FIG4: variants seen among roughly 807,000 people sequenced by gnomAD.
FIG4 encodes the protein polyphosphoinositide phosphatase.
FIG4 carries 112 observed loss-of-function variants against 118.6 expected under a neutral mutation model. That is an observed-to-expected ratio of 0.94 (90% CI 0.81 to 1.11). FIG4 has a LOEUF of 1.11. Among genes scored for constraint, FIG4 ranks in the 50% least tolerant of loss-of-function variants. The pLI is 0.00. For synonymous variants in FIG4, 369 were observed against 381.2 expected, an observed-to-expected ratio of 0.97 and a Z score of 0.37; for missense variants, 969 against 1,111.7, an observed-to-expected ratio of 0.87 and a Z score of 1.83.
At chr6:109,809,122 A>C (rs1279340330) in intron 22 of FIG4, among the ~76,000 whole-genome samples, 1 of 152,230 alleles carries the variant, frequency 6.6e-6, no homozygotes, top group Non-Finnish European at 1.5e-5. Context: ...GTATCAAATA[A>C]AAATATTTGA....
chr6:109,815,506 C>T (rs1036502802), intron 22 of FIG4, among the ~76,000 whole-genome samples: 1 of 130,838 alleles, frequency 7.6e-6, no homozygotes, highest in Non-Finnish European at 1.6e-5. Flanking sequence ...CCCCCCCCAC[C>T]CCCCCGTTAA....
chr6:109,715,019 T>G, intron 1 of FIG4, 59 bp from the exon 2 acceptor site: 1 of 925,282 alleles, frequency 1.1e-6, no homozygotes, highest in Non-Finnish European at 1.8e-6. Context: ...TAAAGTGGTA[T>G]AAAATGTGTA....
chr6:109,696,072 A>G (rs533220474), intron 1 of FIG4, among the ~76,000 whole-genome samples: 1 of 152,308 alleles, frequency 6.6e-6, no homozygotes, highest in South Asian at 2.1e-4. Context: ...CCCTTCTTAA[A>G]GTTATTCATT....
chr6:109,791,436 GC>G lies in FIG4; in HGVS notation c.2247del (p.Ser750AlafsTer30). ...QRKTAASAPP[P>X]PSEEAVSSSS... Reference sequence around the variant, plus strand: ...GGAAAACGGCAGCCAGCGCCCCGCCGCCCCCCAGCGAGGAGGCTGTGTCCAG... The same window carrying G: ...GGAAAACGGCAGCCAGCGCCCCGCCGCCCCCAGCGAGGAGGCTGTGTCCAG... On this transcript the variant is annotated frameshift_variant, in exon 20 of 23. Transcript: ENST00000230124. LOFTEE classifies it high-confidence loss of function. The G allele has an allele frequency of 6.2e-7, 1 of 1,613,580 alleles. No homozygotes were observed. The highest frequency in any genetic ancestry group is 8.5e-7 in the Non-Finnish European group (1 of 1,179,960).
intron 7 of FIG4, among the ~76,000 whole-genome samples, chr6:109,740,144 G>A (rs1367654497): frequency 6.6e-6 from 1 of 152,074 alleles, no homozygotes; most frequent in Non-Finnish European, 1.5e-5. Flanking sequence ...TCACCACCAA[G>A]GATACCAAAA....
intron 17 of FIG4, 79 bp downstream of exon 17, chr6:109,785,107 C>A: frequency 1.2e-6 from 1 of 820,464 alleles, no homozygotes; most frequent in South Asian, 1.3e-5. Context: ...GCATTAAATC[C>A]TTTGCACATA....
chr6:109,786,593 G>C (rs1053560389), intron 18 of FIG4, 144 bp downstream of exon 18: 3 of 817,538 alleles, frequency 3.7e-6, no homozygotes, highest in Non-Finnish European at 6.3e-6. Context: ...TCCTGTGATG[G>C]GGAGCCCACT....
At chr6:109,725,980 T>A (rs1775795491) in intron 3 of FIG4, among the ~76,000 whole-genome samples, 1 of 152,200 alleles carries the variant, frequency 6.6e-6, no homozygotes, top group South Asian at 2.1e-4. Context: ...TTTAAGTTCC[T>A]TGTAGATTCT....
At chr6:109,731,805 A>G (rs1042675900) in intron 4 of FIG4, among the ~76,000 whole-genome samples, 1 of 152,186 alleles carries the variant, frequency 6.6e-6, no homozygotes, top group Non-Finnish European at 1.5e-5. Flanking sequence ...TCCCCCACAG[A>G]TACCGAGGGA....
intron 6 of FIG4, among the ~76,000 whole-genome samples, chr6:109,735,545 T>C (rs1317108172): frequency 2.6e-5 from 4 of 152,084 alleles, no homozygotes; most frequent in Non-Finnish European, 4.4e-5. Flanking sequence ...TCACGTACTT[T>C]TTATTGAATA....
At chr6:109,774,618 T>G (rs1777565155) in intron 15 of FIG4, among the ~76,000 whole-genome samples, 2 of 152,130 alleles carry the variant, frequency 1.3e-5, no homozygotes, top group African/African-American at 4.8e-5. Context: ...AGTGCCTATT[T>G]TGAAATGTAT....
At position 109,751,833 on chromosome 6, in the gene FIG4, TTC is replaced by T. The variant is rs1776711856; in HGVS notation, c.1137+8063_1137+8064del. The stretch of plus-strand genomic sequence containing the variant: ...TTTCTTTTTTTTTTAAGTATTTTTT[TTC>T]TTTTTTTTTATTATTATTATACTTT... On this transcript the variant is annotated intron_variant, in intron 10 of 22. Coordinates refer to ENST00000230124, the MANE Select transcript of FIG4 (RefSeq NM_014845.6). Among the ~76,000 whole-genome samples, 4 of 151,670 alleles carry T rather than the reference TTC, an allele frequency of 2.6e-5. No individual in the cohort carries two copies. In the South Asian group the frequency reaches 8.3e-4, roughly 32 times the overall value.
intron 16 of FIG4, among the ~76,000 whole-genome samples, chr6:109,778,058 A>G (rs1301105621): frequency 6.6e-6 from 1 of 152,164 alleles, no homozygotes; most frequent in African/African-American, 2.4e-5. Context: ...TACATACCAT[A>G]CATGAAGTTA....
At chr6:109,741,400 T>C (rs1776318055) in intron 7 of FIG4, 44 bp from the exon 8 acceptor site, 1 of 1,176,358 alleles carries the variant, frequency 8.5e-7, no homozygotes, top group Non-Finnish European at 1.3e-6. Context: ...CTTGGTCTTA[T>C]GTGACAGTCA....
intron 12 of FIG4, 82 bp from the exon 13 acceptor site, chr6:109,763,855 G>T: frequency 2.1e-6 from 2 of 942,598 alleles, no homozygotes; most frequent in Non-Finnish European, 3.4e-6. Context: ...TTAATTCTAT[G>T]ATTCTTAACA....
At chr6:109,755,434 C>T (rs1216511166) in intron 10 of FIG4, among the ~76,000 whole-genome samples, 1 of 152,128 alleles carries the variant, frequency 6.6e-6, no homozygotes, top group Non-Finnish European at 1.5e-5. Context: ...GTGGAGAGTT[C>T]TGTAGATGTC....
chr6:109,716,510 G>C lies in FIG4; in HGVS notation c.231G>C (p.Lys77Asn). 6.2e-7 allele frequency: 1 copy of C among 1,613,944 alleles called. No individual in the cohort carries two copies. The highest frequency in any genetic ancestry group is 2.2e-5 in the East Asian group (1 of 44,866). Residue 77 changes from lysine to asparagine, a missense_variant, in exon 3 of 23, where the codon AAG becomes AAC. This residue lies in a region of FIG4 where 393 missense variants were observed against 409.4 expected (regional missense o/e 0.96). Coordinates refer to ENST00000230124, the MANE Select transcript of FIG4 (RefSeq NM_014845.6). Reference protein sequence around the residue: ...LGRLDLGNRTKMGQKGSSGLF... With the variant: ...LGRLDLGNRTNMGQKGSSGLF... ...GCTTGGATCTTGGAAATAGAACAAA[G>C]ATGGGACAGAAAGGATCCTCGGGCT... is the stretch of plus-strand genomic sequence containing the variant.
intron 10 of FIG4, among the ~76,000 whole-genome samples, chr6:109,755,578 C>T (rs1776863379): frequency 6.6e-6 from 1 of 152,134 alleles, no homozygotes; most frequent in African/African-American, 2.4e-5. Context: ...GTCAAAGTCT[C>T]TTTGTAGGTC....
chr6:109,794,649 C>G (rs139929628), intron 21 of FIG4, among the ~76,000 whole-genome samples: 3 of 152,214 alleles, frequency 2.0e-5, no homozygotes, highest in Admixed American at 6.5e-5. Flanking sequence ...CTTAGTGCCT[C>G]CTCTGATCCA....
Sources: gnomAD v4.1 joint callset for allele counts (sites outside exome capture counted in the v4.1 genomes callset) on GRCh38, gnomAD v4.1.1 for gene constraint, gnomAD v4.1.1 regional missense constraint, MANE v1.5 for transcripts, NCBI Gene and HGNC (gene_info 2026-07-23, HGNC 2026-07-21) for gene names.